AXIN2: variants seen among roughly 807,000 people sequenced by gnomAD.
AXIN2 encodes axin-2.
AXIN2 carries 21 observed loss-of-function variants against 74.7 expected under a neutral mutation model. The ratio of observed to expected loss-of-function variants is 0.28; its 90% CI spans 0.20 to 0.40. The LOEUF is 0.40. Ranked by LOEUF, AXIN2 falls within the 10% of genes least tolerant of loss-of-function variation. The probability of loss-of-function intolerance (pLI) is 1.00; values close to 1 mark genes in which losing one functional copy is unlikely to be tolerated. For missense variants in AXIN2, 1,144 were observed against 1,111.1 expected, an observed-to-expected ratio of 1.03 and a Z score of -0.42; for synonymous variants, 532 against 454.9, an observed-to-expected ratio of 1.17 and a Z score of -2.16.
chr17:65,560,062 C>T (rs1180709751), intron 1 of AXIN2: 1 of 152,270 alleles, frequency 6.6e-6, no homozygotes. Flanking sequence ...GGCGGGCACA[C>T]CTCGAGGCCG....
In AXIN2 at chr17:65,537,400, C is replaced by A. The variant is rs780472818; in HGVS notation, c.1636G>T (p.Gly546Cys). ...TTCGAGTAGCAGTAATACTCGCTGC[C>A]CCCAGGGCAGAAGCAGTGCACCCGC... ...TQRVHCFCPGGSEYYCYSKCK... is the reference protein window; with the variant it reads ...TQRVHCFCPGCSEYYCYSKCK... The change falls in exon 6 of 11, where the codon GGC becomes TGC. Residue 546 changes from glycine to cysteine, a missense_variant. By Grantham distance (159) the Gly-to-Cys change is radical (BLOSUM62 -3). Around this residue, in one of 4 missense-constraint regions of AXIN2, gnomAD observed 1,053 missense variants for 973.5 expected, o/e 1.08. Coordinates refer to ENST00000307078, the MANE Select transcript of AXIN2 (RefSeq NM_004655.4). The A allele has an allele frequency of 1.9e-6, 3 of 1,614,054 alleles. No individual in the cohort carries two copies. Among genetic ancestry groups the A allele is most frequent in the Non-Finnish European group, 2.5e-6 (3 of 1,180,026 alleles).
intron 1 of AXIN2, chr17:65,559,968 C>A (rs2044338618): frequency 6.6e-6 from 1 of 152,198 alleles, no homozygotes; most frequent in Non-Finnish European, 1.5e-5. Flanking sequence ...AAGACGAAGG[C>A]CGCCGAAGCC....
rs1243178407 is a variant in AXIN2 at position 65,557,944 on chromosome 17, G to T, written c.677C>A (p.Pro226His). Residue 226 changes from proline (P) to histidine (H), a missense_variant, in exon 2 of 11, where the codon CCC becomes CAC. Pro to His is a moderately conservative substitution (Grantham distance 77). This residue lies in a region of AXIN2 where 1,053 missense variants were observed against 973.5 expected (regional missense o/e 1.08). Transcript: ENST00000307078. Reference protein sequence around the residue: ...GSLKVVCGYLPTLNEEEEWTC... With the variant: ...GSLKVVCGYLHTLNEEEEWTC... ...CCACTCCTCTTCTTCATTCAAGGTG[G>T]GGAGATAGCCACACACGACCTTTAG... is the stretch of plus-strand genomic sequence containing the variant. 6.2e-7 allele frequency: 1 copy of T among 1,614,046 alleles called. No homozygotes were observed. Among genetic ancestry groups the T allele is most frequent in the Non-Finnish European group, 8.5e-7 (1 of 1,180,048 alleles).
chr17:65,533,711 C>T (rs1219728490), intron 10 of AXIN2, among the ~76,000 whole-genome samples: 1 of 152,206 alleles, frequency 6.6e-6, no homozygotes. Context: ...CACGCAGCCT[C>T]CCTCTTGCGG....
At chr17:65,548,315 TC>T (rs1351590365) in intron 3 of AXIN2, among the ~76,000 whole-genome samples, 2 of 152,200 alleles carry the variant, frequency 1.3e-5, no homozygotes, top group Admixed American at 1.3e-4. Flanking sequence ...ACTCACCTCA[TC>T]AACTTTCCCT....
chr17:65,550,531 G>GGGAGGGGC (rs2044176991), intron 2 of AXIN2, among the ~76,000 whole-genome samples: 1 of 152,170 alleles, frequency 6.6e-6, no homozygotes, highest in Admixed American at 6.5e-5. Flanking sequence ...TTAAGTAGCG[G>GGGAGGGGC]GGAGGGGCAG....
intron 10 of AXIN2, among the ~76,000 whole-genome samples, 193 bp downstream of exon 10, chr17:65,533,719 C>T (rs367878925): frequency 2.3e-4 from 35 of 152,334 alleles, no homozygotes; most frequent in African/African-American, 7.0e-4. Context: ...CTCCCTCTTG[C>T]GGCTGCTGCT....
rs765865516 is a variant in AXIN2, at chr17:65,538,207, C to G, written c.1196G>C (p.Arg399Pro). 6.2e-7 allele frequency: 1 copy of G among 1,614,248 alleles called. No individual in the cohort carries two copies. Among genetic ancestry groups the G allele is most frequent in the Non-Finnish European group, 8.5e-7 (1 of 1,180,050 alleles). The stretch of plus-strand genomic sequence containing the variant: ...AGAAGGCCTAGGCCGCATTACCTCT[C>G]GGATCTGCTGCAGGCGCTCCTCCAG... ...HSLEERLQQI[R>P]EDEEREGSEL... The change falls in exon 5 of 11, where the codon CGA (arginine) becomes CCA (proline). Residue 399 changes from arginine (R) to proline (P), a missense_variant. Physicochemically the swap from Arg to Pro is moderately radical, Grantham distance 103 (BLOSUM62 -2). Coordinates refer to ENST00000307078, the MANE Select transcript of AXIN2 (RefSeq NM_004655.4).
At chr17:65,546,768 A>C (rs1280411542) in intron 3 of AXIN2, among the ~76,000 whole-genome samples, 1 of 152,186 alleles carries the variant, frequency 6.6e-6, no homozygotes, top group Non-Finnish European at 1.5e-5. Context: ...CAACACCATG[A>C]GCCCACGGGT....
intron 2 of AXIN2, 127 bp from the exon 3 acceptor site, chr17:65,549,787 C>T (rs954664937): frequency 1.7e-5 from 21 of 1,234,116 alleles, no homozygotes; most frequent in African/African-American, 3.0e-5. Flanking sequence ...TGCCCAGGTC[C>T]AGTTGCTCAC....
chr17:65,558,697 GTC>G lies in AXIN2; in HGVS notation c.-79_-78del. 1 of 1,450,180 alleles carries G rather than the reference GTC, an allele frequency of 6.9e-7. No homozygotes were observed. The highest frequency in any genetic ancestry group is 9.4e-7 in the Non-Finnish European group (1 of 1,066,390). 89.8% of individuals were successfully genotyped at this position (1,450,180 alleles called of 1,614,324 possible). A position where few individuals can be genotyped will look rare whatever the true frequency, so the allele number is the denominator to read the frequency against. ...TCTCAGCAATCGGCGTGGTCTCTCT[GTC>G]TCTCTCAAGTCAGCAGGGGCTCATC... On this transcript the variant is annotated 5_prime_UTR_variant, in exon 2 of 11. Coordinates refer to ENST00000307078, the MANE Select transcript of AXIN2 (RefSeq NM_004655.4).
chr17:65,549,884 G>C (rs572843583), intron 2 of AXIN2, among the ~76,000 whole-genome samples: 16 of 152,316 alleles, frequency 1.1e-4, no homozygotes, highest in African/African-American at 3.8e-4. Flanking sequence ...TCTGCCCCCA[G>C]TGGTGGGTCT....
chr17:65,541,920 C>T (rs2044049743), intron 3 of AXIN2, among the ~76,000 whole-genome samples: 1 of 152,212 alleles, frequency 6.6e-6, no homozygotes, highest in Non-Finnish European at 1.5e-5. Context: ...AGGAGATTCT[C>T]AGGCCCCACT....
In AXIN2 at chr17:65,537,402, C is replaced by T. The variant is rs781658851; in HGVS notation, c.1634G>A (p.Gly545Glu). The T allele has an allele frequency of 6.2e-7, 1 of 1,613,924 alleles. No individual in the cohort carries two copies. The highest frequency in any genetic ancestry group is 2.2e-5 in the East Asian group (1 of 44,810). Residue 545 changes from glycine to glutamate, a missense_variant, in exon 6 of 11, where the codon GGG becomes GAG. Gly to Glu is a moderately conservative substitution (Grantham distance 98, BLOSUM62 -2). Transcript: ENST00000307078. Reference sequence around the variant, plus strand: ...CGAGTAGCAGTAATACTCGCTGCCCCCAGGGCAGAAGCAGTGCACCCGCTG... The same window carrying T: ...CGAGTAGCAGTAATACTCGCTGCCCTCAGGGCAGAAGCAGTGCACCCGCTG... ...ATQRVHCFCP[G>E]GSEYYCYSKC...
chr17:65,544,688 C>G (rs2044093244), intron 3 of AXIN2, among the ~76,000 whole-genome samples: 1 of 152,142 alleles, frequency 6.6e-6, no homozygotes. Flanking sequence ...CCTATACGGT[C>G]TCCTTTAATT....
rs1383333342 is a variant in AXIN2, at chr17:65,529,704, T to C, written c.*272A>G. 1 of 502,836 alleles carries C rather than the reference T, an allele frequency of 2.0e-6. No individual in the cohort carries two copies. The highest frequency in any genetic ancestry group is 3.3e-5 in the Admixed American group (1 of 30,748). The allele number at this position is 502,836 out of a possible 1,614,324, so 31.1% of individuals were successfully genotyped here. ...GTCATATATTATGTATGGCAGTCTC[T>C]CAAATACAGGCAGCATCTTCAATAG... On this transcript the variant is annotated 3_prime_UTR_variant, in exon 11 of 11. Coordinates refer to ENST00000307078, the MANE Select transcript of AXIN2 (RefSeq NM_004655.4).
At chr17:65,542,098 T>C (rs2044052784) in intron 3 of AXIN2, among the ~76,000 whole-genome samples, 1 of 152,202 alleles carries the variant, frequency 6.6e-6, no homozygotes, top group African/African-American at 2.4e-5. Context: ...TCCAAATGTA[T>C]TTCTTTTTAT....
At chr17:65,535,376 T>C (rs1320070666) in intron 9 of AXIN2, among the ~76,000 whole-genome samples, 1 of 152,226 alleles carries the variant, frequency 6.6e-6, no homozygotes, top group Non-Finnish European at 1.5e-5. Context: ...AGGTCCCTTC[T>C]ACACTTCTGC....
intron 10 of AXIN2, among the ~76,000 whole-genome samples, chr17:65,530,483 T>G (rs1245321154): frequency 1.6e-4 from 24 of 152,230 alleles, no homozygotes. Context: ...GCAGTTCCTT[T>G]GCAGCAGGAG....
Sources: allele counts gnomAD v4.1 joint callset (sites outside exome capture counted in the v4.1 genomes callset), GRCh38; gene constraint gnomAD v4.1.1; regional missense constraint gnomAD v4.1.1; transcripts MANE v1.5; gene names NCBI Gene and HGNC (gene_info 2026-07-23, HGNC 2026-07-21).